The following EIF3F variants were observed in gnomAD, a reference collection of about 807,000 sequenced individuals.
The protein encoded by EIF3F is eukaryotic translation initiation factor 3 subunit F.
In EIF3F, 8 loss-of-function variants were observed where a neutral mutation model predicts 36.0. The ratio of observed to expected loss-of-function variants is 0.22; its 90% CI spans 0.13 to 0.40. EIF3F has a LOEUF of 0.40. Among genes scored for constraint, EIF3F ranks in the 10% least tolerant of loss-of-function variants. The pLI is 1.00. For synonymous variants in EIF3F, 184 were observed against 188.5 expected, an observed-to-expected ratio of 0.98 and a Z score of 0.19; for missense variants, 430 against 467.6, an observed-to-expected ratio of 0.92 and a Z score of 0.74.
At chr11:7,994,592 G>C in intron 5 of EIF3F, 75 bp downstream of exon 5, 1 of 1,413,148 alleles carries the variant, frequency 7.1e-7, no homozygotes, top group Non-Finnish European at 9.8e-7. Context: ...CTGCAACATG[G>C]ACGGAGGCCT....
In EIF3F at chr11:8,001,263, A is replaced by G. The variant is rs1299593056; in HGVS notation, c.*5241A>G. On this transcript the variant is annotated 3_prime_UTR_variant, in exon 8 of 8. Coordinates refer to ENST00000651655, the MANE Select transcript of EIF3F (RefSeq NM_003754.3). ...GCCAGAGTAAGAGGAAACGTGACAC[A>G]GGCACAGATTGCTGGTAGACATATA... The G allele has an allele frequency of 6.6e-6, 1 of 152,260 alleles. No individual in the cohort carries two copies. Among genetic ancestry groups the G allele is most frequent in the Non-Finnish European group, 1.5e-5 (1 of 68,050 alleles). 9.4% of individuals were successfully genotyped at this position (152,260 alleles called of 1,614,324 possible). A position where few individuals can be genotyped will look rare whatever the true frequency, so the allele number is the denominator to read the frequency against.
chr11:7,987,846 A>G (rs1942045650), intron 1 of EIF3F, 130 bp downstream of exon 1: 2 of 1,293,492 alleles, frequency 1.5e-6, no homozygotes, highest in Non-Finnish European at 2.0e-6. Flanking sequence ...TGACCTCTTA[A>G]TCTATATCTG....
Position 7,997,459 on chromosome 11 carries a change from A to G in EIF3F, c.*1437A>G, listed in dbSNP as rs1028451752. The G allele has an allele frequency of 2.0e-5, 3 of 152,216 alleles. No homozygotes were observed. The highest frequency in any genetic ancestry group is 7.2e-5 in the African/African-American group (3 of 41,456). 9.4% of individuals were successfully genotyped at this position (152,216 alleles called of 1,614,324 possible). A position where few individuals can be genotyped will look rare whatever the true frequency, so the allele number is the denominator to read the frequency against. On this transcript the variant is annotated 3_prime_UTR_variant, in exon 8 of 8. Transcript: ENST00000651655. ...GAAGAAACAAAATTTTAAATTTGAG[A>G]AATAAGCATAGAAAAGGTGGATAAA...
In EIF3F at chr11:8,001,371, C is replaced by T. The variant is rs1156694613; in HGVS notation, c.*5349C>T. ...CCCTTAACCCAGGAATTCCACTCCT[C>T]ATTATATATCCTACAAATAAACTGG... On this transcript the variant is annotated 3_prime_UTR_variant, in exon 8 of 8. Transcript: ENST00000651655. The T allele has an allele frequency of 1.3e-5, 2 of 152,156 alleles. No homozygotes were observed. The allele number at this position is 152,156 out of a possible 1,614,324, so 9.4% of individuals were successfully genotyped here.
In EIF3F at chr11:8,001,823, AAAT is replaced by A. The variant is rs1279025074; in HGVS notation, c.*5803_*5805del. 1 of 152,176 alleles carries A rather than the reference AAAT, an allele frequency of 6.6e-6. No individual in the cohort carries two copies. Among genetic ancestry groups the A allele is most frequent in the African/African-American group, 2.4e-5 (1 of 41,452 alleles). 9.4% of individuals were successfully genotyped at this position (152,176 alleles called of 1,614,324 possible). On this transcript the variant is annotated 3_prime_UTR_variant, in exon 8 of 8. Transcript: ENST00000651655. ...ATGCTGTTAATGTAATTTTTCAAAA[AAAT>A]ATATAAAAATATAAAAACATGAAAA...
At position 8,001,303 on chromosome 11, in the gene EIF3F, T is replaced by C. The variant is rs1942219067; in HGVS notation, c.*5281T>C. 1 of 152,214 alleles carries C rather than the reference T, an allele frequency of 6.6e-6. No individual in the cohort carries two copies. The highest frequency in any genetic ancestry group is 6.5e-5 in the Admixed American group (1 of 15,282). The allele number at this position is 152,214 out of a possible 1,614,324, so 9.4% of individuals were successfully genotyped here. A position where few individuals can be genotyped will look rare whatever the true frequency, so the allele number is the denominator to read the frequency against. On this transcript the variant is annotated 3_prime_UTR_variant, in exon 8 of 8. Transcript: ENST00000651655. ...GTAGACATATAAGTTGGTACAGCCC[T>C]CTCTATGTAATTTTGTGTTTGTCAA...
Position 7,995,366 on chromosome 11 carries a change from A to G in EIF3F, c.995A>G (p.Asn332Ser), listed in dbSNP as rs771782911. 16 of 1,611,548 alleles carry G rather than the reference A, an allele frequency of 9.9e-6. No individual in the cohort carries two copies. Among genetic ancestry groups the G allele is most frequent in the East Asian group, 4.5e-5 (2 of 44,864 alleles). The part of the protein sequence containing the change: ...DFETMLNSNI[N>S]DLLMVTYLAN... ...GAGACCATGCTCAACAGCAACATCA[A>G]TGTGAGTGCCCTTCCTGAGCCCCTT... Residue 332 changes from asparagine (N) to serine (S), a missense_variant and splice_region_variant, in exon 7 of 8, where the codon AAT (asparagine) becomes AGT (serine). Physicochemically the swap from Asn to Ser is conservative, Grantham distance 46 (BLOSUM62 1). This residue lies in a region of EIF3F where 262 missense variants were observed against 347.4 expected (regional missense o/e 0.75). Transcript: ENST00000651655.
At position 7,987,574 on chromosome 11, in the gene EIF3F, G is replaced by C. The variant is rs761656459; in HGVS notation, c.222G>C (p.Ala74=). ...ASAQAPAQTP[A]PALPGPALPG... ...CGCAAGCTCCAGCGCAGACCCCAGC[G>C]CCCGCTCTGCCTGGTCCTGCTCTTC... The change falls in exon 1 of 8, where the codon GCG becomes GCC. Residue 74 remains alanine, a synonymous_variant. Coordinates refer to ENST00000651655, the MANE Select transcript of EIF3F (RefSeq NM_003754.3). The C allele has an allele frequency of 3.1e-6, 5 of 1,596,846 alleles. No homozygotes were observed. Among genetic ancestry groups the C allele is most frequent in the African/African-American group, 2.7e-5 (2 of 74,062 alleles).
At position 7,987,636 on chromosome 11, in the gene EIF3F, A is replaced by C. The variant is rs2133665099; in HGVS notation, c.284A>C (p.His95Pro). Residue 95 changes from histidine to proline, a missense_variant, in exon 1 of 8, where the codon CAC becomes CCC. His to Pro is a moderately conservative substitution (Grantham distance 77, BLOSUM62 -2). Coordinates refer to ENST00000651655, the MANE Select transcript of EIF3F (RefSeq NM_003754.3). ...PFPGGRVVRL[H>P]PVILASIVDS... The stretch of plus-strand genomic sequence containing the variant: ...CCCGGCGGCCGCGTGGTCAGGCTGC[A>C]CCCAGTCATTTTGGCCTCCATTGTG... The C allele has an allele frequency of 6.4e-7, 1 of 1,570,162 alleles. No individual in the cohort carries two copies. Among genetic ancestry groups the C allele is most frequent in the East Asian group, 2.3e-5 (1 of 43,734 alleles).
chr11:7,989,365 C>A (rs1564885711), intron 1 of EIF3F, among the ~76,000 whole-genome samples: 1 of 152,120 alleles, frequency 6.6e-6, no homozygotes, highest in African/African-American at 2.4e-5. Context: ...CCAGTCAGAC[C>A]AGGTATAATC....
chr11:7,987,413 G>A lies in EIF3F; in HGVS notation c.61G>A (p.Ala21Thr). ...PPATPTPVPAAAPASVPAPTP... is the reference protein window; with the variant it reads ...PPATPTPVPATAPASVPAPTP... Reference sequence around the variant, plus strand: ...GGCCACGCCAACCCCAGTCCCGGCGGCGGCCCCAGCCTCAGTTCCAGCGCC... The same window carrying A: ...GGCCACGCCAACCCCAGTCCCGGCGACGGCCCCAGCCTCAGTTCCAGCGCC... The change falls in exon 1 of 8, where the codon GCG becomes ACG. Residue 21 changes from alanine to threonine, a missense_variant. By Grantham distance (58) the Ala-to-Thr change is moderately conservative (BLOSUM62 0). Around this residue, in one of 2 missense-constraint regions of EIF3F, gnomAD observed 168 missense variants for 120.2 expected, o/e 1.40. Transcript: ENST00000651655. 1 of 1,601,142 alleles carries A rather than the reference G, an allele frequency of 6.2e-7. No homozygotes were observed. The highest frequency in any genetic ancestry group is 8.5e-7 in the Non-Finnish European group (1 of 1,179,414).
In EIF3F at chr11:7,996,152, G is replaced by C; in HGVS notation, c.*130G>C. ...GTTGTGTGTGACTCTAATAAACGGA[G>C]CCTACCTTTTGTAAATTAATTTCAT... is the stretch of plus-strand genomic sequence containing the variant. On this transcript the variant is annotated 3_prime_UTR_variant, in exon 8 of 8. Coordinates refer to ENST00000651655, the MANE Select transcript of EIF3F (RefSeq NM_003754.3). 1.3e-6 allele frequency: 1 copy of C among 763,362 alleles called. No homozygotes were observed. The highest frequency in any genetic ancestry group is 2.2e-6 in the Non-Finnish European group (1 of 459,358). The allele number at this position is 763,362 out of a possible 1,614,324, so 47.3% of individuals were successfully genotyped here. A position where few individuals can be genotyped will look rare whatever the true frequency, so the allele number is the denominator to read the frequency against.
rs1029418179 is a variant in EIF3F, at chr11:8,001,663, TATAA to T, written c.*5645_*5648del. On this transcript the variant is annotated 3_prime_UTR_variant, in exon 8 of 8. Coordinates refer to ENST00000651655, the MANE Select transcript of EIF3F (RefSeq NM_003754.3). ...TTGTTGTGTACGGGAAAATAAATAA[TATAA>T]ATACCTAGAATATTTGTGAAGGTAC... 4 of 152,074 alleles carry T rather than the reference TATAA, an allele frequency of 2.6e-5. No individual in the cohort carries two copies. Among genetic ancestry groups the T allele is most frequent in the Non-Finnish European group, 4.4e-5 (3 of 68,022 alleles). The allele number at this position is 152,074 out of a possible 1,614,324, so 9.4% of individuals were successfully genotyped here.
intron 1 of EIF3F, 72 bp from the exon 2 acceptor site, chr11:7,991,709 A>G: frequency 2.9e-5 from 41 of 1,435,234 alleles, no homozygotes; most frequent in Non-Finnish European, 4.0e-5. Flanking sequence ...CATCAAAAGC[A>G]TTTCAAAAGT....
In EIF3F at chr11:7,987,358, C is replaced by T. The variant is rs773397905; in HGVS notation, c.6C>T (p.Ala2=). Residue 2 remains alanine (A), a synonymous_variant, in exon 1 of 8, where the codon GCC becomes GCT. Transcript: ENST00000651655. M[A]TPAVPVSAPP... ...CCTCCTTCTTTCTCGACAAGATGGCCACACCGGCGGTACCAGTAAGTGCTC... is the reference window on the plus strand; with the variant it reads ...CCTCCTTCTTTCTCGACAAGATGGCTACACCGGCGGTACCAGTAAGTGCTC... 4 of 1,592,746 alleles carry T rather than the reference C, an allele frequency of 2.5e-6. No individual in the cohort carries two copies. The highest frequency in any genetic ancestry group is 2.2e-5 in the South Asian group (2 of 90,508).
rs889177664 is a variant in EIF3F, at chr11:8,000,606, A to C, written c.*4584A>C. ...TGGTAATCAATTTCGCAATGTGTAC[A>C]TATATCAAAACATCACATTGTACAA... On this transcript the variant is annotated 3_prime_UTR_variant, in exon 8 of 8. Coordinates refer to ENST00000651655, the MANE Select transcript of EIF3F (RefSeq NM_003754.3). 6.6e-6 allele frequency: 1 copy of C among 152,246 alleles called. No individual in the cohort carries two copies. The highest frequency in any genetic ancestry group is 1.5e-5 in the Non-Finnish European group (1 of 68,042). The allele number at this position is 152,246 out of a possible 1,614,324, so 9.4% of individuals were successfully genotyped here. A position where few individuals can be genotyped will look rare whatever the true frequency, so the allele number is the denominator to read the frequency against.
chr11:7,988,742 A>G (rs1196392042), intron 1 of EIF3F, among the ~76,000 whole-genome samples: 1 of 152,226 alleles, frequency 6.6e-6, no homozygotes, highest in Non-Finnish European at 1.5e-5. Flanking sequence ...AGACCTCACA[A>G]AACATTTGCC....
In EIF3F at chr11:7,990,678, A is replaced by G. The variant is rs1299397876; in HGVS notation, c.365-1103A>G. On this transcript the variant is annotated intron_variant, in intron 1 of 7. Coordinates refer to ENST00000651655, the MANE Select transcript of EIF3F (RefSeq NM_003754.3). ...ATATATGTGCATTTGGTTTAGGGAC[A>G]TAGTTTCAGTGAAGGGAGCAGAAAC... Among the ~76,000 whole-genome samples, 4 of 152,178 alleles carry G rather than the reference A, an allele frequency of 2.6e-5. No individual in the cohort carries two copies. The East Asian group carries it at 5.8e-4, about 22-fold the overall frequency.
chr11:7,995,206 CAGT>C (rs1281171124), intron 6 of EIF3F, 45 bp from the exon 7 acceptor site: 1 of 1,605,714 alleles, frequency 6.2e-7, no homozygotes, highest in South Asian at 1.1e-5. Flanking sequence ...TGGTAGGGCT[CAGT>C]GGTTATAATT....
Sources: gnomAD v4.1 joint callset for allele counts (sites outside exome capture counted in the v4.1 genomes callset) on GRCh38, gnomAD v4.1.1 for gene constraint, gnomAD v4.1.1 regional missense constraint, MANE v1.5 for transcripts, NCBI Gene and HGNC (gene_info 2026-07-23, HGNC 2026-07-21) for gene names.